The following POLG variants were observed in gnomAD, a reference collection of about 807,000 sequenced individuals.
POLG encodes the protein DNA polymerase gamma, catalytic subunit.
POLG carries 110 observed loss-of-function variants against 155.4 expected under a neutral mutation model. The observed-to-expected ratio is 0.71, with a 90% CI of 0.61 to 0.83. The LOEUF is 0.83. POLG is among the 40% of genes least tolerant of loss of function. POLG has a pLI of 0.00. For missense variants in POLG, 1,685 were observed against 1,627.5 expected, an observed-to-expected ratio of 1.04 and a Z score of -0.61; for synonymous variants, 701 against 631.5, an observed-to-expected ratio of 1.11 and a Z score of -1.65.
intron 3 of POLG, 123 bp from the exon 4 acceptor site, chr15:89,329,233 C>T (rs2055564192): frequency 1.3e-6 from 1 of 765,426 alleles, no homozygotes; most frequent in East Asian, 2.7e-5. Flanking sequence ...CCTCCCCTCC[C>T]AGCACACAGC....
Position 89,328,712 on chromosome 15 carries a change from G to A in POLG, c.1143C>T (p.Thr381=), listed in dbSNP as rs1408893752. 1 of 1,614,140 alleles carries A rather than the reference G, an allele frequency of 6.2e-7. No individual in the cohort carries two copies. The highest frequency in any genetic ancestry group is 1.7e-5 in the Admixed American group (1 of 60,036). Residue 381 remains threonine, a synonymous_variant, in exon 5 of 23, where the codon ACC becomes ACT. Coordinates refer to ENST00000268124, the MANE Select transcript of POLG (RefSeq NM_002693.3). ...KEPRELFVKG[T]MKDIRENFQD... ...GGAAGTTCTCACGAATGTCCTTCAT[G>A]GTGCCCTTCACAAACAGTTCTCGAG... is the stretch of plus-strand genomic sequence containing the variant.
chr15:89,330,394 G>A, intron 2 of POLG, 118 bp from the exon 3 acceptor site: 2 of 817,368 alleles, frequency 2.4e-6, no homozygotes, highest in Non-Finnish European at 4.1e-6. Flanking sequence ...GGGGACACAA[G>A]TGAGACCAAA....
At chr15:89,317,279 G>A (rs2055302777) in intron 22 of POLG, 97 bp downstream of exon 22, 1 of 1,049,238 alleles carries the variant, frequency 9.5e-7, no homozygotes, top group African/African-American at 1.6e-5. Flanking sequence ...AGTCAAGAGT[G>A]GATTCTCTGG....
chr15:89,323,940 C>T (rs760287948), intron 11 of POLG, 39 bp from the exon 12 acceptor site: 1 of 1,557,772 alleles, frequency 6.4e-7, no homozygotes, highest in East Asian at 2.2e-5. Context: ...AAGCAGGGGA[C>T]TGGGTAGGCC....
chr15:89,328,395 G>A, intron 6 of POLG, 61 bp downstream of exon 6: 1 of 1,341,128 alleles, frequency 7.5e-7, no homozygotes, highest in East Asian at 2.4e-5. Context: ...CCTGATTACA[G>A]TGGGCCCGGG....
intron 9 of POLG, among the ~76,000 whole-genome samples, chr15:89,326,290 C>G (rs2055516020): frequency 6.6e-6 from 1 of 152,238 alleles, no homozygotes; most frequent in African/African-American, 2.4e-5. Context: ...TGGACACTAG[C>G]TGCACTGGCT....
chr15:89,330,229 G>A lies in POLG; in HGVS notation c.707C>T (p.Thr236Ile). ...QRLVEERYSW[T>I]SQLSPADLIP... ...GAGGTCAGCCGGCGACAGCTGGCTG[G>A]TCCAAGAGTAACGCTCTTCCACCAG... The change falls in exon 3 of 23, where the codon ACC becomes ATC. Residue 236 changes from threonine to isoleucine, a missense_variant. Coordinates refer to ENST00000268124, the MANE Select transcript of POLG (RefSeq NM_002693.3). 1 of 1,613,286 alleles carries A rather than the reference G, an allele frequency of 6.2e-7. No homozygotes were observed. The highest frequency in any genetic ancestry group is 8.5e-7 in the Non-Finnish European group (1 of 1,179,980).
At position 89,328,756 on chromosome 15, in the gene POLG, G is replaced by GC. The variant is rs750787511; in HGVS notation, c.1098dup (p.Pro367AlafsTer21). ...TCTCGAGGCTCCTTCTCTAAGGGAG[G>GC]CCCCCCTACATAAAGTCTGTGCACC... On this transcript the variant is annotated frameshift_variant, in exon 5 of 23. Transcript: ENST00000268124. LOFTEE classifies it high-confidence loss of function. 1 of 1,614,032 alleles carries GC rather than the reference G, an allele frequency of 6.2e-7. No homozygotes were observed. Among genetic ancestry groups the GC allele is most frequent in the Non-Finnish European group, 8.5e-7 (1 of 1,179,978 alleles).
intron 3 of POLG, among the ~76,000 whole-genome samples, chr15:89,329,362 T>G (rs2055565888): frequency 6.6e-6 from 1 of 152,230 alleles, no homozygotes; most frequent in African/African-American, 2.4e-5. Context: ...AATCCCAATG[T>G]GCAAGTCCTT....
At chr15:89,324,002 G>A in intron 11 of POLG, 101 bp from the exon 12 acceptor site, 1 of 1,561,710 alleles carries the variant, frequency 6.4e-7, no homozygotes, top group Non-Finnish European at 8.8e-7. Context: ...AGGCCAGTCT[G>A]GGGTGAGCCA....
chr15:89,328,926 C>A lies in POLG; in HGVS notation c.1023+17G>T, dbSNP rs778750911. The A allele has an allele frequency of 1.2e-6, 2 of 1,614,134 alleles. No individual in the cohort carries two copies. The highest frequency in any genetic ancestry group is 1.1e-5 in the South Asian group (1 of 91,084). The stretch of plus-strand genomic sequence containing the variant: ...TCCCAAGCACTATGCTCCTGCCCAC[C>A]GGCAGTGTGCTCTCACCGCTGGGCC... On this transcript the variant is annotated intron_variant, in intron 4 of 22. Transcript: ENST00000268124.
At position 89,333,503 on chromosome 15, in the gene POLG, G is replaced by C. The variant is rs1449784828; in HGVS notation, c.252C>G (p.His84Gln). 1 of 1,612,752 alleles carries C rather than the reference G, an allele frequency of 6.2e-7. No individual in the cohort carries two copies. Among genetic ancestry groups the C allele is most frequent in the Non-Finnish European group, 8.5e-7 (1 of 1,179,696 alleles). ...CCCCTCCTTGCCCGAAGATTTGCTC[G>C]TGCAGCCCTCTCGAGAGCATCTGGA... ...LDIQMLSRGL[H>Q]EQIFGQGGEM... The change falls in exon 2 of 23, where the codon CAC becomes CAG. Residue 84 changes from histidine to glutamine, a missense_variant. This residue lies in a region of POLG where 1,210 missense variants were observed against 1,167.1 expected (regional missense o/e 1.04). Transcript: ENST00000268124.
rs1467008671 is a variant in POLG, at chr15:89,320,746, G to A, written c.2981+20C>T. On this transcript the variant is annotated intron_variant, in intron 18 of 22. Transcript: ENST00000268124. The stretch of plus-strand genomic sequence containing the variant: ...GCCTCGGGTCCTGGGTGTTAAAGTG[G>A]ATGGGAGAGGGACCCTCACCAGCGG... 6.2e-7 allele frequency: 1 copy of A among 1,611,602 alleles called. No individual in the cohort carries two copies. The highest frequency in any genetic ancestry group is 8.5e-7 in the Non-Finnish European group (1 of 1,179,908).
chr15:89,316,986 CTTTTTATATAAGTGTGTCTTAGATATA>C (rs1596347531), intron 22 of POLG, 159 bp from the exon 23 acceptor site: 2 of 667,684 alleles, frequency 3.0e-6, no homozygotes, highest in East Asian at 5.5e-5. Context: ...GGTCTGTTTT[CTTTTTATATAAGTGTGTCTTAGATATA>C]TTTTAAATAG....
chr15:89,323,011 G>T, intron 13 of POLG, 109 bp from the exon 14 acceptor site: 1 of 1,113,184 alleles, frequency 9.0e-7, no homozygotes, highest in Non-Finnish European at 1.3e-6. Flanking sequence ...AACCTCAGCA[G>T]TCTGAGGCAA....
At position 89,333,772 on chromosome 15, in the gene POLG, C is replaced by T; in HGVS notation, c.-18G>A. 6.5e-7 allele frequency: 1 copy of T among 1,534,988 alleles called. No homozygotes were observed. The highest frequency in any genetic ancestry group is 8.7e-7 in the Non-Finnish European group (1 of 1,146,368). ...CGGCTCATGGTTGGTGCAGGGACCC[C>T]CACGCTGGGAGTCAGAACACCTGGC... On this transcript the variant is annotated 5_prime_UTR_variant, in exon 2 of 23. Transcript: ENST00000268124.
chr15:89,318,188 AAACAAACATCTC>A (rs1171706955), intron 21 of POLG, among the ~76,000 whole-genome samples: 1 of 152,082 alleles, frequency 6.6e-6, no homozygotes, highest in Non-Finnish European at 1.5e-5. Flanking sequence ...GGAGAAAGAA[AAACAAACATCTC>A]AATTTTCTAT....
Position 89,333,233 on chromosome 15 carries a change from G to C in POLG, c.522C>G (p.Gly174=), listed in dbSNP as rs766842881. Residue 174 remains glycine (G), a synonymous_variant, in exon 2 of 23, where the codon GGC becomes GGG. Coordinates refer to ENST00000268124, the MANE Select transcript of POLG (RefSeq NM_002693.3). ...CCCCCTCGGGGCCGTACCGGGTCCA[G>C]CCCTCCGCCCAGGCCCAAGCCGGGG... ...PKPPAWAWAE[G]WTRYGPEGEA... is the part of the protein sequence containing the mutation. The C allele has an allele frequency of 5.1e-6, 8 of 1,577,896 alleles. No homozygotes were observed. The African/African-American group carries it at 6.8e-5, about 13-fold the overall frequency.
At chr15:89,329,770 G>C (rs371165437) in intron 3 of POLG, among the ~76,000 whole-genome samples, 1 of 152,106 alleles carries the variant, frequency 6.6e-6, no homozygotes, top group African/African-American at 2.4e-5. Context: ...AGTAGTCATC[G>C]GTGGTTAAGG....
Sources: gnomAD v4.1 joint callset for allele counts (sites outside exome capture counted in the v4.1 genomes callset) on GRCh38, gnomAD v4.1.1 for gene constraint, gnomAD v4.1.1 regional missense constraint, MANE v1.5 for transcripts, NCBI Gene and HGNC (gene_info 2026-07-23, HGNC 2026-07-21) for gene names.